DNM3: variants seen among roughly 807,000 people sequenced by gnomAD.
DNM3 encodes the protein dynamin 3.
In DNM3, 47 loss-of-function variants were observed where a neutral mutation model predicts 101.6. The ratio of observed to expected loss-of-function variants is 0.46; its 90% confidence interval spans 0.37 to 0.59. The LOEUF (loss-of-function observed/expected upper bound fraction) is 0.59, where lower values mean the gene tolerates loss of function less well. DNM3 is among the 20% of genes least tolerant of loss of function. DNM3 has a pLI of 0.00. For missense variants in DNM3, 849 were observed against 1,085.7 expected, an observed-to-expected ratio of 0.78 and a Z score of 3.06; for synonymous variants, 385 against 387.9, an observed-to-expected ratio of 0.99 and a Z score of 0.09.
chr1:172,365,623 A>G (rs997301672), intron 17 of DNM3, among the ~76,000 whole-genome samples: 1 of 151,946 alleles, frequency 6.6e-6, no homozygotes, highest in African/African-American at 2.4e-5. Context: ...TGAGGCAAAA[A>G]ATGTTTAAAT....
At chr1:172,414,783 A>G (rs2071369836), downstream of DNM3, among the ~76,000 whole-genome samples, 1 of 139,818 alleles carries the variant, frequency 7.2e-6, no homozygotes, top group African/African-American at 2.7e-5. Flanking sequence ...TGTTTGTTTT[A>G]ATTAGCTGGG....
chr1:172,365,838 AG>A (rs1326364025), intron 17 of DNM3, among the ~76,000 whole-genome samples: 1 of 151,974 alleles, frequency 6.6e-6, no homozygotes, highest in Admixed American at 6.6e-5. Context: ...GTACGTGAGA[AG>A]TCATAATCTT....
intron 15 of DNM3, among the ~76,000 whole-genome samples, chr1:172,301,290 CCAGGAGTT>C (rs2064436996): frequency 6.6e-6 from 1 of 152,058 alleles, no homozygotes; most frequent in South Asian, 2.1e-4. Flanking sequence ...TAGCTTGAGC[CCAGGAGTT>C]CATGACCAGC....
intron 14 of DNM3, among the ~76,000 whole-genome samples, chr1:172,213,353 GC>G (rs1300253044): frequency 1.3e-5 from 2 of 152,020 alleles, no homozygotes; most frequent in Non-Finnish European, 2.9e-5. Context: ...TTAGAAGAGG[GC>G]ACAAGGGGAG....
chr1:172,067,916 A>C (rs920596807), intron 10 of DNM3, among the ~76,000 whole-genome samples: 53 of 152,338 alleles, frequency 3.5e-4, no homozygotes, highest in African/African-American at 1.2e-3. Context: ...AGTAATGGAC[A>C]AGACCATGGG....
At chr1:172,319,623 A>T (rs1005140577) in intron 16 of DNM3, among the ~76,000 whole-genome samples, 1 of 152,256 alleles carries the variant, frequency 6.6e-6, no homozygotes, top group Non-Finnish European at 1.5e-5. Flanking sequence ...CAAAAGACAC[A>T]TGAAAAAATG....
intron 1 of DNM3, among the ~76,000 whole-genome samples, chr1:171,846,144 T>C (rs78024102): frequency 0.01 from 1,549 of 152,286 alleles, 32 homozygotes; most frequent in African/African-American, 0.036. Context: ...AACATGAACT[T>C]TTCTTCATGC....
At chr1:172,172,717 A>C (rs2059007598) in intron 14 of DNM3, among the ~76,000 whole-genome samples, 1 of 151,756 alleles carries the variant, frequency 6.6e-6, no homozygotes, top group South Asian at 2.1e-4. Flanking sequence ...GATAAGACAC[A>C]AGATGTGATG....
chr1:172,303,834 G>A (rs961505488), intron 15 of DNM3, among the ~76,000 whole-genome samples: 4 of 152,124 alleles, frequency 2.6e-5, no homozygotes, highest in Non-Finnish European at 4.4e-5. Flanking sequence ...AATGCTGAGA[G>A]ATTTTGTCAC....
chr1:171,861,150 A>C (rs1369137171), intron 1 of DNM3, among the ~76,000 whole-genome samples: 1 of 152,176 alleles, frequency 6.6e-6, no homozygotes, highest in Non-Finnish European at 1.5e-5. Flanking sequence ...TGAAGACTTA[A>C]GTGTTAAAAT....
chr1:171,988,750 G>T (rs1408362485), intron 3 of DNM3, among the ~76,000 whole-genome samples, 195 bp from the exon 4 acceptor site: 1 of 152,130 alleles, frequency 6.6e-6, no homozygotes, highest in Non-Finnish European at 1.5e-5. Flanking sequence ...TGATCATTTG[G>T]CATAGCACAA....
intron 14 of DNM3, among the ~76,000 whole-genome samples, chr1:172,242,120 G>A (rs955300984): frequency 2.3e-4 from 35 of 152,112 alleles, no homozygotes; most frequent in African/African-American, 7.5e-4. Context: ...AACTCATGGT[G>A]TACAGGGCAT....
intron 15 of DNM3, among the ~76,000 whole-genome samples, chr1:172,306,336 T>C (rs185923283): frequency 6.6e-6 from 1 of 152,268 alleles, no homozygotes; most frequent in African/African-American, 2.4e-5. Flanking sequence ...GTGAAGCACC[T>C]CTTCAAGGAG....
intron 15 of DNM3, among the ~76,000 whole-genome samples, chr1:172,305,078 A>G (rs189839284): frequency 1.8e-3 from 269 of 152,340 alleles, no homozygotes; most frequent in South Asian, 3.5e-3. Flanking sequence ...CTTCAAAAAA[A>G]TCAGTGAATC....
chr1:172,131,004 C>T (rs1052766844), intron 13 of DNM3, among the ~76,000 whole-genome samples, 171 bp from the exon 14 acceptor site: 3 of 152,114 alleles, frequency 2.0e-5, no homozygotes, highest in Non-Finnish European at 4.4e-5. Flanking sequence ...CACTCATCTG[C>T]ACTTTTGGAA....
Position 172,191,849 on chromosome 1 carries a change from T to A in DNM3, c.1659+60561T>A, listed in dbSNP as rs181892840. Among the ~76,000 whole-genome samples, 44 of 152,296 alleles carry A rather than the reference T, an allele frequency of 2.9e-4. No individual in the cohort carries two copies. In the East Asian group the frequency reaches 6.6e-3, roughly 23 times the overall value. ...TATTGGTGTATAGGAATGCTTGTGGTTTTTGCACGTTGATTTTGTATCCTG... is the reference window on the plus strand; with the variant it reads ...TATTGGTGTATAGGAATGCTTGTGGATTTTGCACGTTGATTTTGTATCCTG... On this transcript the variant is annotated intron_variant, in intron 14 of 20. Transcript: ENST00000627582.
intron 1 of DNM3, among the ~76,000 whole-genome samples, chr1:171,882,621 A>G (rs1050053092): frequency 2.0e-5 from 3 of 152,144 alleles, no homozygotes; most frequent in East Asian, 3.8e-4. Flanking sequence ...TTTTTAGAGC[A>G]TATTTCCTCT....
At chr1:172,215,740 C>G (rs2060671260) in intron 14 of DNM3, among the ~76,000 whole-genome samples, 1 of 151,918 alleles carries the variant, frequency 6.6e-6, no homozygotes, top group Admixed American at 6.6e-5. Context: ...CTGGAACTAA[C>G]TAAGAGTTAG....
chr1:172,404,436 A>C (rs1176774007), intron 20 of DNM3, among the ~76,000 whole-genome samples: 1 of 152,100 alleles, frequency 6.6e-6, no homozygotes, highest in Non-Finnish European at 1.5e-5. Context: ...CCTGGCACAT[A>C]GCAGAACCAT....
Sources: allele counts gnomAD v4.1 joint callset (sites outside exome capture counted in the v4.1 genomes callset), GRCh38; gene constraint gnomAD v4.1.1; transcripts MANE v1.5; gene names NCBI Gene and HGNC (gene_info 2026-07-23, HGNC 2026-07-21).